The following KALRN variants were observed in gnomAD, a reference collection of about 807,000 sequenced individuals.
KALRN encodes kalirin.
A neutral mutation model predicts 353.7 loss-of-function variants in KALRN; 70 were observed. That is an observed-to-expected ratio of 0.20 (90% CI 0.16 to 0.24). KALRN has a LOEUF of 0.24. Ranked by LOEUF, KALRN falls within the 10% of genes least tolerant of loss-of-function variation. The pLI is 1.00. For synonymous variants in KALRN, 1,391 were observed against 1,434.8 expected, an observed-to-expected ratio of 0.97 and a Z score of 0.69; for missense variants, 2,791 against 3,756.7, an observed-to-expected ratio of 0.74 and a Z score of 6.72.
chr3:124,180,915 C>T (rs1560164027), intron 1 of KALRN, among the ~76,000 whole-genome samples: 1 of 151,674 alleles, frequency 6.6e-6, no homozygotes, highest in Non-Finnish European at 1.5e-5. Context: ...TCTAAAAATC[C>T]ATTAATAAGT....
chr3:124,264,834 T>C lies in KALRN; in HGVS notation c.456+144T>C, dbSNP rs973187032. 2.1e-5 allele frequency: 15 copies of C among 710,088 alleles called. No homozygotes were observed. The African/African-American group carries it at 2.7e-4, about 13-fold the overall frequency. 44.0% of individuals were successfully genotyped at this position (710,088 alleles called of 1,614,324 possible). On this transcript the variant is annotated intron_variant, in intron 4 of 59. Transcript: ENST00000682506. ...TCAGGATTCCTTGGCCGCCATGGCC[T>C]TACCAGTTAGAGTATGGGGAGGAAC...
chr3:124,280,736 A>G lies in KALRN; in HGVS notation c.969+11481A>G, dbSNP rs957605805. Among the ~76,000 whole-genome samples the G allele has an allele frequency of 1.1e-4, 17 of 152,326 alleles. No homozygotes were observed. In the South Asian group the frequency reaches 1.2e-3, roughly 11 times the overall value. On this transcript the variant is annotated intron_variant, in intron 5 of 59. Transcript: ENST00000682506. ...CTTGAATAGAGAGAGACACCATCTCATATATAAATACAGGAGGATGTCTTC... is the reference window on the plus strand; with the variant it reads ...CTTGAATAGAGAGAGACACCATCTCGTATATAAATACAGGAGGATGTCTTC...
intron 1 of KALRN, among the ~76,000 whole-genome samples, chr3:124,178,699 C>A (rs1281721321): frequency 2.0e-5 from 3 of 152,138 alleles, no homozygotes; most frequent in Non-Finnish European, 4.4e-5. Flanking sequence ...ACTTGCAGGA[C>A]TGGAATTTAC....
At chr3:124,292,580 G>A (rs923871527) in intron 5 of KALRN, among the ~76,000 whole-genome samples, 19 of 152,068 alleles carry the variant, frequency 1.2e-4, no homozygotes, top group African/African-American at 4.6e-4. Flanking sequence ...AGTGCGTGAA[G>A]GTGGAGGTGG....
intron 1 of KALRN, among the ~76,000 whole-genome samples, chr3:124,141,249 T>C (rs2066586652): frequency 6.6e-6 from 1 of 152,186 alleles, no homozygotes; most frequent in Non-Finnish European, 1.5e-5. Context: ...CTTTTCACCA[T>C]GTCTTTCCTC....
At chr3:124,673,873 T>G (rs2086823754) in intron 48 of KALRN, among the ~76,000 whole-genome samples, 1 of 152,200 alleles carries the variant, frequency 6.6e-6, no homozygotes. Context: ...TTCTTAGTCC[T>G]GTCTCAAAGA....
In KALRN at chr3:124,631,865, C is replaced by T. The variant is rs147686357; in HGVS notation, c.5183-555C>T. Among the ~76,000 whole-genome samples, 819 of 152,326 alleles carry T rather than the reference C, an allele frequency of 5.4e-3. 6 individuals are homozygous for T. Among genetic ancestry groups the T allele is most frequent in the African/African-American group, 0.019 (772 of 41,566 alleles). ...TGACTTCCTTTCTTACTGATCCCCC[C>T]GGCTTACTCCACCAAGGCCACCCCA... On this transcript the variant is annotated intron_variant, in intron 34 of 59. Transcript: ENST00000682506.
intron 58 of KALRN, among the ~76,000 whole-genome samples, chr3:124,716,438 C>G (rs1411653082): frequency 1.3e-5 from 2 of 152,160 alleles, no homozygotes; most frequent in African/African-American, 4.8e-5. Context: ...ACACCAGAAT[C>G]GCTTGAACCT....
At chr3:124,189,947 A>AT (rs1244969001) in intron 1 of KALRN, among the ~76,000 whole-genome samples, 1 of 151,956 alleles carries the variant, frequency 6.6e-6, no homozygotes, top group East Asian at 1.9e-4. Context: ...AAAAAAAAAA[A>AT]AAAAAAGCAA....
chr3:124,287,306 G>T (rs1465801181), intron 5 of KALRN, among the ~76,000 whole-genome samples: 2 of 152,094 alleles, frequency 1.3e-5, no homozygotes, highest in Non-Finnish European at 2.9e-5. Context: ...CATATGCAAA[G>T]CTTGGGATTT....
At chr3:124,077,677 G>A (rs1161367239) in intron 1 of KALRN, among the ~76,000 whole-genome samples, 1 of 152,160 alleles carries the variant, frequency 6.6e-6, no homozygotes, top group Non-Finnish European at 1.5e-5. Context: ...TATTGCAATA[G>A]GCTTCAAACC....
intron 6 of KALRN, among the ~76,000 whole-genome samples, chr3:124,302,933 A>G (rs1270395677): frequency 6.6e-6 from 1 of 152,192 alleles, no homozygotes; most frequent in Non-Finnish European, 1.5e-5. Flanking sequence ...GCCTCATTTT[A>G]ACTTAATTAC....
chr3:124,595,661 T>A, intron 34 of KALRN, among the ~76,000 whole-genome samples: 1 of 152,282 alleles, frequency 6.6e-6, no homozygotes. Flanking sequence ...TGTCTGGAAT[T>A]ACAAGAACTT....
intron 1 of KALRN, among the ~76,000 whole-genome samples, chr3:124,161,761 A>G (rs886647103): frequency 6.6e-5 from 10 of 152,148 alleles, no homozygotes; most frequent in Non-Finnish European, 1.5e-4. Context: ...ATCACCCCCA[A>G]TTGTCTCCTT....
chr3:124,335,166 C>T (rs2081008666), intron 9 of KALRN, among the ~76,000 whole-genome samples: 1 of 152,100 alleles, frequency 6.6e-6, no homozygotes, highest in Admixed American at 6.5e-5. Context: ...GGGGGTTATC[C>T]AAGCACTGTC....
chr3:124,202,263 T>G (rs1320607396), intron 1 of KALRN, among the ~76,000 whole-genome samples: 1 of 152,164 alleles, frequency 6.6e-6, no homozygotes, highest in Non-Finnish European at 1.5e-5. Context: ...TTTGTTTTGT[T>G]TTTTTGAGAC....
intron 10 of KALRN, among the ~76,000 whole-genome samples, chr3:124,374,153 T>C (rs2086256574): frequency 6.6e-6 from 1 of 152,212 alleles, no homozygotes; most frequent in African/African-American, 2.4e-5. Context: ...CCTTCTACCA[T>C]ATAAAGACAC....
chr3:124,241,772 A>G (rs990944573), intron 3 of KALRN, among the ~76,000 whole-genome samples: 1 of 152,206 alleles, frequency 6.6e-6, no homozygotes, highest in East Asian at 1.9e-4. Flanking sequence ...GCCTTCCAGC[A>G]TGTGGAACAT....
intron 1 of KALRN, among the ~76,000 whole-genome samples, chr3:124,124,626 G>A (rs1192987858): frequency 6.6e-6 from 1 of 152,162 alleles, no homozygotes; most frequent in African/African-American, 2.4e-5. Flanking sequence ...AATCAATGTG[G>A]CAAATATCAT....
Sources: gnomAD v4.1 joint callset for allele counts (sites outside exome capture counted in the v4.1 genomes callset) on GRCh38, gnomAD v4.1.1 for gene constraint, MANE v1.5 for transcripts, NCBI Gene and HGNC (gene_info 2026-07-23, HGNC 2026-07-21) for gene names.